Variants in C8orf34 observed in about 807,000 individuals in gnomAD.
C8orf34 encodes chromosome 8 open reading frame 34.
Under a neutral mutation model 68.3 loss-of-function variants are expected in C8orf34, and 65 were observed. The ratio of observed to expected loss-of-function variants is 0.95; its 90% CI spans 0.78 to 1.17. The LOEUF is 1.17. C8orf34 is among the 50% of genes most tolerant of loss of function. C8orf34 has a pLI of 0.00. For synonymous variants in C8orf34, 244 were observed against 241.2 expected (o/e 1.01, Z -0.11); for missense variants, 664 against 655.4 (o/e 1.01, Z -0.14).
intron 12 of C8orf34, chr8:68,791,991 C>G (rs1417937721): frequency 1.3e-5 from 2 of 152,182 alleles, no homozygotes; most frequent in Admixed American, 6.5e-5. Flanking sequence ...CAAACTTAAA[C>G]TATCTGTATT....
At chr8:68,715,220 G>A (rs995497994) in intron 9 of C8orf34, among the ~76,000 whole-genome samples, 2 of 151,784 alleles carry the variant, frequency 1.3e-5, no homozygotes, top group Non-Finnish European at 2.9e-5. Context: ...GCTTAAAGAC[G>A]TCATGACCAA....
At chr8:68,744,343 G>A (rs1822407272) in intron 10 of C8orf34, among the ~76,000 whole-genome samples, 1 of 152,204 alleles carries the variant, frequency 6.6e-6, no homozygotes, top group South Asian at 2.1e-4. Flanking sequence ...TCCTCCAAAG[G>A]AATGCAGTTT....
At chr8:68,817,313 G>C (rs1824849344) in intron 13 of C8orf34, among the ~76,000 whole-genome samples, 1 of 152,098 alleles carries the variant, frequency 6.6e-6, no homozygotes, top group African/African-American at 2.4e-5. Flanking sequence ...ATGTCTAAGG[G>C]TAAGGCCTAA....
chr8:68,604,905 G>T (rs534839774), intron 7 of C8orf34, among the ~76,000 whole-genome samples: 45 of 152,132 alleles, frequency 3.0e-4, no homozygotes, highest in African/African-American at 1.1e-3. Context: ...ATTGTCAAGA[G>T]AACATAAAGA....
chr8:68,493,425 TC>T (rs1160361712), intron 5 of C8orf34, among the ~76,000 whole-genome samples: 3 of 152,096 alleles, frequency 2.0e-5, no homozygotes, highest in African/African-American at 7.2e-5. Context: ...TGAGATACCC[TC>T]TGAGACCCAT....
At chr8:68,572,507 A>G (rs1184626573) in intron 7 of C8orf34, among the ~76,000 whole-genome samples, 2 of 151,464 alleles carry the variant, frequency 1.3e-5, no homozygotes, top group Admixed American at 1.3e-4. Context: ...AATTTATGAT[A>G]TAATTATCAG....
chr8:68,393,630 C>G (rs1808564985), intron 1 of C8orf34, among the ~76,000 whole-genome samples: 1 of 152,026 alleles, frequency 6.6e-6, no homozygotes, highest in Admixed American at 6.6e-5. Flanking sequence ...AGAAGATTTA[C>G]TAAAGGAAAC....
chr8:68,368,272 T>C (rs1304209842), intron 1 of C8orf34, among the ~76,000 whole-genome samples: 3 of 152,182 alleles, frequency 2.0e-5, no homozygotes, highest in African/African-American at 7.2e-5. Flanking sequence ...TATTCTTCCT[T>C]AGATAGACAT....
chr8:68,508,124 T>G (rs533898633), intron 5 of C8orf34, among the ~76,000 whole-genome samples: 1 of 152,356 alleles, frequency 6.6e-6, no homozygotes, highest in African/African-American at 2.4e-5. Context: ...ACTCTTAATG[T>G]TTTTTTCTGA....
intron 10 of C8orf34, among the ~76,000 whole-genome samples, chr8:68,762,410 A>G (rs973995295): frequency 2.0e-5 from 3 of 152,212 alleles, no homozygotes; most frequent in African/African-American, 7.2e-5. Context: ...TCTGAAGTTT[A>G]TTGTCAAAAA....
chr8:68,688,277 G>C (rs1426552328), intron 8 of C8orf34, among the ~76,000 whole-genome samples: 1 of 151,912 alleles, frequency 6.6e-6, no homozygotes, highest in East Asian at 1.9e-4. Context: ...AGGAAAATAA[G>C]TAATTATATG....
At chr8:68,808,078 A>G (rs997181024) in intron 12 of C8orf34, among the ~76,000 whole-genome samples, 1 of 152,176 alleles carries the variant, frequency 6.6e-6, no homozygotes, top group Admixed American at 6.5e-5. Flanking sequence ...CTTTAGAGGA[A>G]GCATGTCTCC....
chr8:68,585,902 T>C (rs956388062), intron 7 of C8orf34, among the ~76,000 whole-genome samples: 2 of 152,092 alleles, frequency 1.3e-5, no homozygotes, highest in Non-Finnish European at 2.9e-5. Flanking sequence ...GCCTCAGAAG[T>C]AACATACCAT....
upstream of C8orf34, chr8:68,330,653 T>C (rs1260225548): frequency 1.4e-5 from 3 of 213,184 alleles, no homozygotes; most frequent in Non-Finnish European, 2.7e-5. Context: ...ATGTGCACTT[T>C]GAAAGAAGCA....
At chr8:68,498,755 C>T (rs184949536) in intron 5 of C8orf34, among the ~76,000 whole-genome samples, 35 of 152,118 alleles carry the variant, frequency 2.3e-4, no homozygotes, top group African/African-American at 8.4e-4. Flanking sequence ...TCATTAAGAA[C>T]CCAGTATTTT....
chr8:68,586,546 G>A (rs1397199391), intron 7 of C8orf34, among the ~76,000 whole-genome samples: 7 of 152,100 alleles, frequency 4.6e-5, no homozygotes, highest in East Asian at 3.9e-4. Context: ...AATGCAGTGC[G>A]GCTCACTGAG....
At chr8:68,460,293 C>T (rs1199787867) in intron 3 of C8orf34, among the ~76,000 whole-genome samples, 3 of 152,322 alleles carry the variant, frequency 2.0e-5, no homozygotes, top group East Asian at 1.9e-4. Flanking sequence ...CCAGGAAGCT[C>T]GAACTGCTTG....
At chr8:68,445,897 C>A (rs1811100456) in intron 2 of C8orf34, among the ~76,000 whole-genome samples, 1 of 152,260 alleles carries the variant, frequency 6.6e-6, no homozygotes, top group African/African-American at 2.4e-5. Context: ...TCAAGTAATT[C>A]TCCTGTCTCA....
At chr8:68,560,417 A>C (rs1816387125) in intron 7 of C8orf34, among the ~76,000 whole-genome samples, 1 of 152,162 alleles carries the variant, frequency 6.6e-6, no homozygotes, top group African/African-American at 2.4e-5. Flanking sequence ...ACCAGGACTT[A>C]AATTAGTGAC....
Sources: allele counts gnomAD v4.1 joint callset (sites outside exome capture counted in the v4.1 genomes callset), GRCh38; gene constraint gnomAD v4.1.1; transcripts MANE v1.5; gene names NCBI Gene and HGNC (gene_info 2026-07-23, HGNC 2026-07-21).